The following RAP2C variants were observed in gnomAD, a reference collection of about 807,000 sequenced individuals.
The protein encoded by RAP2C is ras-related protein Rap-2c.
RAP2C carries 3 observed loss-of-function variants against 8.9 expected under a neutral mutation model. That is an observed-to-expected ratio of 0.34 (90% CI 0.15 to 0.87). The LOEUF (loss-of-function observed/expected upper bound fraction) is 0.87, where lower values mean the gene tolerates loss of function less well. Ranked by LOEUF, RAP2C falls within the 40% of genes least tolerant of loss-of-function variation. The probability of loss-of-function intolerance (pLI) is 0.51; values close to 1 mark genes in which losing one functional copy is unlikely to be tolerated. For synonymous variants in RAP2C, 60 were observed against 52.1 expected, an observed-to-expected ratio of 1.15 and a Z score of -0.65; for missense variants, 76 against 133.7, an observed-to-expected ratio of 0.57 and a Z score of 2.13.
intron 4 of RAP2C, among the ~76,000 whole-genome samples, chrX:132,215,190 A>C (rs1206156415): frequency 9.0e-6 from 1 of 110,665 alleles, no homozygotes; most frequent in Non-Finnish European, 1.9e-5. Flanking sequence ...AGTAGTTACA[A>C]CGAATTACAA....
At chrX:132,216,795 A>AT (rs1333238222) in intron 4 of RAP2C, among the ~76,000 whole-genome samples, 1 of 112,246 alleles carries the variant, frequency 8.9e-6, no homozygotes, top group Non-Finnish European at 1.9e-5. Context: ...GCTTTAAAAT[A>AT]TTTGTTGACG....
In RAP2C at chrX:132,214,130, T is replaced by G; in HGVS notation, c.*34+4A>C. The G allele has an allele frequency of 8.5e-7, 1 of 1,174,955 alleles. No individual in the cohort carries two copies. Among genetic ancestry groups the G allele is most frequent in the Non-Finnish European group, 1.1e-6 (1 of 874,743 alleles). On this transcript the variant is annotated splice_donor_region_variant and intron_variant, in intron 5 of 5. Coordinates refer to ENST00000370874, the MANE Select transcript of RAP2C (RefSeq NM_001271186.2). ...TGATTCATACAGTTCCATCAAAAAC[T>G]AACCTGCTCGGTATGGCCATGATTG...
chrX:132,207,368 A>G (rs1930303846), intron 5 of RAP2C, among the ~76,000 whole-genome samples: 1 of 111,587 alleles, frequency 9.0e-6, no homozygotes, highest in Non-Finnish European at 1.9e-5. Flanking sequence ...ATTAATAATC[A>G]AATCATTTTA....
intron 4 of RAP2C, 75 bp downstream of exon 4, chrX:132,216,921 G>C: frequency 9.9e-7 from 1 of 1,005,800 alleles, no homozygotes; most frequent in Non-Finnish European, 1.3e-6. Flanking sequence ...ATTAATGCAC[G>C]GTTCAAGCAA....
chrX:132,214,882 AG>A (rs1930529864), intron 4 of RAP2C, among the ~76,000 whole-genome samples: 1 of 111,651 alleles, frequency 9.0e-6, no homozygotes, highest in Non-Finnish European at 1.9e-5. Flanking sequence ...ATGTAGCAAG[AG>A]GGCTTGAGTG....
chrX:132,217,300 G>C lies in RAP2C; in HGVS notation c.-32C>G, dbSNP rs192265084. The C allele has an allele frequency of 1.2e-3, 1,228 of 1,057,150 alleles. 5 individuals are homozygous for C. Among genetic ancestry groups the C allele is most frequent in the African/African-American group, 0.011 (566 of 51,712 alleles). The allele number at this position is 1,057,150 out of a possible 1,213,427, so 87.1% of individuals were successfully genotyped here. Reference sequence around the variant, plus strand: ...CACCTTCACCAACTCCTACCAGAGGGGGGGAAAGATCACCCCGCTAGCTGT... The same window carrying C: ...CACCTTCACCAACTCCTACCAGAGGCGGGGAAAGATCACCCCGCTAGCTGT... On this transcript the variant is annotated 5_prime_UTR_variant, in exon 4 of 6. Coordinates refer to ENST00000370874, the MANE Select transcript of RAP2C (RefSeq NM_001271186.2).
intron 1 of RAP2C, chrX:132,218,574 G>A (rs1483411134): frequency 1.8e-5 from 2 of 111,967 alleles, no homozygotes; most frequent in Non-Finnish European, 3.8e-5. Context: ...TCTCCTTGCT[G>A]GTATTTCTTC....
At chrX:132,212,653 T>C (rs1930463469) in intron 5 of RAP2C, among the ~76,000 whole-genome samples, 1 of 111,759 alleles carries the variant, frequency 8.9e-6, no homozygotes, top group South Asian at 3.7e-4. Flanking sequence ...GGTAGAAAAA[T>C]AGAGCAAAAC....
intron 5 of RAP2C, 141 bp downstream of exon 5, chrX:132,213,993 A>G (rs1339004936): frequency 2.1e-6 from 1 of 487,346 alleles, no homozygotes; most frequent in Non-Finnish European, 3.1e-6. Context: ...AATGTTGACT[A>G]TTTTGTGTGA....
intron 4 of RAP2C, 82 bp from the exon 5 acceptor site, chrX:132,214,528 G>A: frequency 9.1e-7 from 1 of 1,101,465 alleles, no homozygotes; most frequent in Non-Finnish European, 1.2e-6. Flanking sequence ...ATTACAAAAA[G>A]TCATACCTCA....
rs1485387855 is a variant in RAP2C at position 132,204,816 on chromosome X, A to G, written c.*806T>C. The G allele has an allele frequency of 9.0e-6, 1 of 111,130 alleles. No individual in the cohort carries two copies. The highest frequency in any genetic ancestry group is 1.9e-5 in the Non-Finnish European group (1 of 52,892). The allele number at this position is 111,130 out of a possible 1,213,427, so 9.2% of individuals were successfully genotyped here. On this transcript the variant is annotated 3_prime_UTR_variant, in exon 6 of 6. Coordinates refer to ENST00000370874, the MANE Select transcript of RAP2C (RefSeq NM_001271186.2). Reference sequence around the variant, plus strand: ...AGGCATTGCTAAATAGGTCATAACTAAATTTAGAACTTCACAGAAAGGAAA... The same window carrying G: ...AGGCATTGCTAAATAGGTCATAACTGAATTTAGAACTTCACAGAAAGGAAA...
intron 5 of RAP2C, among the ~76,000 whole-genome samples, chrX:132,206,182 G>T (rs1930269988): frequency 9.1e-6 from 1 of 110,373 alleles, no homozygotes; most frequent in Non-Finnish European, 1.9e-5. Flanking sequence ...AAAGAAAAAA[G>T]AAAAGAGAAG....
Position 132,214,357 on chromosome X carries a change from T to C in RAP2C, c.363A>G (p.Glu121=). 8.3e-7 allele frequency: 1 copy of C among 1,211,952 alleles called. No individual in the cohort carries two copies. Among genetic ancestry groups the C allele is most frequent in the Non-Finnish European group, 1.1e-6 (1 of 895,369 alleles). ...LILVGNKVDL[E]PEREVMSSEG... ...CTGAAGACATAACCTCTCTTTCTGG[T>C]TCCAGATCCACTTTATTTCCTACTA... Residue 121 remains glutamate (E), a synonymous_variant, in exon 5 of 6, where the codon GAA becomes GAG. Transcript: ENST00000370874.
In RAP2C at chrX:132,214,355, G is replaced by A. The variant is rs1471574061; in HGVS notation, c.365C>T (p.Pro122Leu). The change falls in exon 5 of 6, where the codon CCA becomes CTA. Residue 122 changes from proline (P) to leucine (L), a missense_variant. Transcript: ENST00000370874. ...ILVGNKVDLE[P>L]EREVMSSEGR... Reference sequence around the variant, plus strand: ...TTCTGAAGACATAACCTCTCTTTCTGGTTCCAGATCCACTTTATTTCCTAC... The same window carrying A: ...TTCTGAAGACATAACCTCTCTTTCTAGTTCCAGATCCACTTTATTTCCTAC... The A allele has an allele frequency of 8.3e-7, 1 of 1,211,539 alleles. No homozygotes were observed. Among genetic ancestry groups the A allele is most frequent in the Admixed American group, 2.2e-5 (1 of 46,049 alleles).
At chrX:132,213,233 T>C (rs1038824938) in intron 5 of RAP2C, among the ~76,000 whole-genome samples, 1 of 112,042 alleles carries the variant, frequency 8.9e-6, no homozygotes, top group African/African-American at 3.2e-5. Context: ...GGTTGTTTTA[T>C]CTTATTATCT....
At chrX:132,218,093 A>ACCCACCCCCCCCCCCCACCCCCACC (rs1930703411) in intron 2 of RAP2C, 81 bp from the exon 3 acceptor site, 1 of 23,691 alleles carries the variant, frequency 4.2e-5, no homozygotes, top group Admixed American at 4.0e-4. Context: ...TTTTTTTCTC[A>ACCCACCCCCCCCCCCCACCCCCACC]CCCACCCCCC....
In RAP2C at chrX:132,217,331, G is replaced by T; in HGVS notation, c.-63C>A. On this transcript the variant is annotated 5_prime_UTR_variant, in exon 4 of 6. Transcript: ENST00000370874. ...AAGATCACCCCGCTAGCTGTGGCGC[G>T]GCTAGACGAGGCGGAAGGTGGGCGG... 5 of 1,000,960 alleles carry T rather than the reference G, an allele frequency of 5.0e-6. No homozygotes were observed. Among genetic ancestry groups the T allele is most frequent in the Non-Finnish European group, 5.2e-6 (4 of 764,084 alleles). 82.5% of individuals were successfully genotyped at this position (1,000,960 alleles called of 1,213,427 possible). A position where few individuals can be genotyped will look rare whatever the true frequency, so the allele number is the denominator to read the frequency against.
At chrX:132,206,689 C>G (rs1197058407) in intron 5 of RAP2C, among the ~76,000 whole-genome samples, 1 of 111,796 alleles carries the variant, frequency 8.9e-6, no homozygotes, top group Non-Finnish European at 1.9e-5. Flanking sequence ...TATTAGTGCT[C>G]AAAGAGCCTG....
Position 132,205,542 on chromosome X carries a change from A to G in RAP2C, c.*80T>C, listed in dbSNP as rs1930249533. The G allele has an allele frequency of 1.8e-5, 2 of 111,749 alleles. No homozygotes were observed. Among genetic ancestry groups the G allele is most frequent in the Admixed American group, 1.9e-4 (2 of 10,442 alleles). The allele number at this position is 111,749 out of a possible 1,213,427, so 9.2% of individuals were successfully genotyped here. On this transcript the variant is annotated 3_prime_UTR_variant, in exon 6 of 6. Transcript: ENST00000370874. ...GGCTCAGTTCTGCAACCCAGGTTGT[A>G]AAGTTCTCCAAAGCAGCATCTGTGC...
Sources: gnomAD v4.1 joint callset for allele counts (sites outside exome capture counted in the v4.1 genomes callset) on GRCh38, gnomAD v4.1.1 for gene constraint, MANE v1.5 for transcripts, NCBI Gene and HGNC (gene_info 2026-07-23, HGNC 2026-07-21) for gene names.